CSMD1: variants seen among roughly 807,000 people sequenced by gnomAD.
CSMD1 encodes CUB and Sushi multiple domains 1.
In CSMD1, 213 loss-of-function variants were observed where a neutral mutation model predicts 417.5. The ratio of observed to expected loss-of-function variants is 0.51; its 90% CI spans 0.46 to 0.57. CSMD1 has a LOEUF of 0.57. CSMD1 is among the 20% of genes least tolerant of loss of function. CSMD1 has a pLI of 0.00. For missense variants in CSMD1, 6,923 were observed against 4,529.7 expected, an observed-to-expected ratio of 1.53 and a Z score of -15.17; for synonymous variants, 2,862 against 1,736.8, an observed-to-expected ratio of 1.65 and a Z score of -16.11.
chr8:3,744,279 T>C (rs1180639358), intron 6 of CSMD1, among the ~76,000 whole-genome samples: 1 of 151,880 alleles, frequency 6.6e-6, no homozygotes, highest in East Asian at 1.9e-4. Context: ...AAAAGATGAG[T>C]TTGAAAAGGC....
At chr8:4,741,216 A>G (rs1369871887) in intron 1 of CSMD1, among the ~76,000 whole-genome samples, 1 of 152,192 alleles carries the variant, frequency 6.6e-6, no homozygotes, top group Non-Finnish European at 1.5e-5. Context: ...CTAGTGCCAC[A>G]CGTGCAGTTC....
chr8:3,746,167 G>A (rs902171915), intron 6 of CSMD1, among the ~76,000 whole-genome samples: 1 of 152,208 alleles, frequency 6.6e-6, no homozygotes, highest in Non-Finnish European at 1.5e-5. Context: ...GCAGCTCAGG[G>A]CTGATACGCT....
intron 5 of CSMD1, among the ~76,000 whole-genome samples, chr8:3,996,837 C>A (rs749238124): frequency 6.6e-6 from 1 of 152,160 alleles, no homozygotes; most frequent in African/African-American, 2.4e-5. Context: ...CAGCATTGAG[C>A]CTTGTGATTT....
chr8:3,965,512 T>C (rs1331181025), intron 5 of CSMD1, among the ~76,000 whole-genome samples: 1 of 152,312 alleles, frequency 6.6e-6, no homozygotes, highest in East Asian at 1.9e-4. Flanking sequence ...AAAACTATGG[T>C]TCGGCTGAAA....
chr8:3,091,739 T>C (rs1814964441), intron 47 of CSMD1, 77 bp from the exon 48 acceptor site: 1 of 1,358,010 alleles, frequency 7.4e-7, no homozygotes, highest in Non-Finnish European at 1.0e-6. Flanking sequence ...TAGCTTTTGA[T>C]TACACTGGAG....
intron 3 of CSMD1, among the ~76,000 whole-genome samples, chr8:4,098,087 C>T (rs547767390): frequency 6.6e-6 from 1 of 152,106 alleles, no homozygotes; most frequent in Non-Finnish European, 1.5e-5. Flanking sequence ...AATAAAATAT[C>T]TCAACAACAA....
intron 1 of CSMD1, among the ~76,000 whole-genome samples, chr8:4,906,006 C>G (rs972585991): frequency 6.6e-6 from 1 of 152,096 alleles, no homozygotes; most frequent in African/African-American, 2.4e-5. Flanking sequence ...GGCAGGAAGT[C>G]TGATCCGATA....
In CSMD1 at chr8:3,367,230, G is replaced by C; in HGVS notation, c.2917C>G (p.His973Asp). The C allele has an allele frequency of 6.2e-7, 1 of 1,611,886 alleles. No individual in the cohort carries two copies. The highest frequency in any genetic ancestry group is 8.5e-7 in the Non-Finnish European group (1 of 1,178,840). ...SHGKGVQMIF[H>D]TFHLESSHDY... ...TGGGAACTCTCAAGATGAAAGGTGT[G>C]AAAGATCATTTGAACTCCTGAGAAA... The change falls in exon 20 of 70, where the codon CAC becomes GAC. Residue 973 changes from histidine to aspartate, a missense_variant. His to Asp is a moderately conservative substitution (Grantham distance 81). Coordinates refer to ENST00000635120, the MANE Select transcript of CSMD1 (RefSeq NM_033225.6).
intron 1 of CSMD1, among the ~76,000 whole-genome samples, chr8:4,865,772 A>C (rs1802389997): frequency 6.6e-6 from 1 of 151,848 alleles, no homozygotes; most frequent in Non-Finnish European, 1.5e-5. Flanking sequence ...GCCCCAAACA[A>C]AACCTCAATC....
At chr8:3,037,676 T>G (rs189233017) in intron 50 of CSMD1, among the ~76,000 whole-genome samples, 5 of 152,326 alleles carry the variant, frequency 3.3e-5, no homozygotes, top group African/African-American at 1.2e-4. Flanking sequence ...AAAGTTGTTT[T>G]TGGATTTTTG....
intron 7 of CSMD1, among the ~76,000 whole-genome samples, chr8:3,630,417 G>A (rs1028307695): frequency 2.6e-5 from 4 of 152,214 alleles, no homozygotes; most frequent in Non-Finnish European, 4.4e-5. Flanking sequence ...GAAAAAAGAT[G>A]AATTGGCCCA....
At chr8:4,668,340 G>A (rs897703318) in intron 1 of CSMD1, among the ~76,000 whole-genome samples, 2 of 151,482 alleles carry the variant, frequency 1.3e-5, no homozygotes, top group African/African-American at 4.8e-5. Flanking sequence ...CATTGGTAGG[G>A]GTTCTTGGGC....
At chr8:3,857,633 G>A (rs77853719) in intron 5 of CSMD1, among the ~76,000 whole-genome samples, 2,509 of 152,264 alleles carry the variant, frequency 0.016, 58 homozygotes, top group African/African-American at 0.056. Context: ...ACAGAGCAGA[G>A]GGTGGGGACA....
intron 5 of CSMD1, among the ~76,000 whole-genome samples, chr8:3,882,562 C>T (rs534046442): frequency 2.0e-5 from 3 of 152,222 alleles, no homozygotes; most frequent in South Asian, 2.1e-4. Context: ...AGGCATATAC[C>T]CAATATTCAC....
chr8:3,808,975 GT>G (rs1800908153), intron 5 of CSMD1, among the ~76,000 whole-genome samples: 1 of 152,126 alleles, frequency 6.6e-6, no homozygotes, highest in Admixed American at 6.5e-5. Flanking sequence ...CAAGGCACTG[GT>G]TAAACAGGTT....
intron 3 of CSMD1, among the ~76,000 whole-genome samples, chr8:4,143,878 A>T (rs1235200500): frequency 6.6e-6 from 1 of 151,022 alleles, no homozygotes. Context: ...CCTTATCTGG[A>T]TGAAGAATTT....
chr8:4,935,199 G>C (rs1016792638), intron 1 of CSMD1, among the ~76,000 whole-genome samples: 6 of 152,168 alleles, frequency 3.9e-5, no homozygotes, highest in South Asian at 2.1e-4. Flanking sequence ...TCACAGCTCT[G>C]CCTTCCCATA....
chr8:3,741,716 G>T (rs898005216), intron 6 of CSMD1, among the ~76,000 whole-genome samples: 1 of 152,024 alleles, frequency 6.6e-6, no homozygotes, highest in Non-Finnish European at 1.5e-5. Context: ...CTCTCTGAGT[G>T]CGCATTCTTA....
At chr8:4,332,219 C>G (rs982958899) in intron 3 of CSMD1, among the ~76,000 whole-genome samples, 4 of 152,044 alleles carry the variant, frequency 2.6e-5, no homozygotes, top group African/African-American at 9.7e-5. Context: ...GTGCGGATCC[C>G]TCACGAAGCT....
Sources: allele counts gnomAD v4.1 joint callset (sites outside exome capture counted in the v4.1 genomes callset), GRCh38; gene constraint gnomAD v4.1.1; transcripts MANE v1.5; gene names NCBI Gene and HGNC (gene_info 2026-07-23, HGNC 2026-07-21).